The following ZNF782 variants were observed in gnomAD, a reference collection of about 807,000 sequenced individuals.
The protein encoded by ZNF782 is zinc finger protein 782.
In ZNF782, 12 loss-of-function variants were observed where a neutral mutation model predicts 13.0. The ratio of observed to expected loss-of-function variants is 0.92; its 90% CI spans 0.59 to 1.50. ZNF782 has a LOEUF of 1.50. Ranked by LOEUF, ZNF782 falls within the 40% of genes most tolerant of loss-of-function variation. The pLI, the probability that ZNF782 is intolerant of heterozygous loss-of-function variation, is 0.00. For synonymous variants in ZNF782, 284 were observed against 283.0 expected, an observed-to-expected ratio of 1.00 and a Z score of -0.04; for missense variants, 770 against 822.9, an observed-to-expected ratio of 0.94 and a Z score of 0.79.
chr9:96,867,864 T>C lies in ZNF782; in HGVS notation c.-456-6261A>G, dbSNP rs561554175. On this transcript the variant is annotated intron_variant, in intron 1 of 5. Transcript: ENST00000498811. ...GGACTGCAAGCAGCTGTGTCCTGTT[T>C]GGACATTAGTGTAGGAATCCAACTG... is the stretch of plus-strand genomic sequence containing the variant. Among the ~76,000 whole-genome samples the C allele has an allele frequency of 1.4e-4, 22 of 152,336 alleles. No homozygotes were observed. In the South Asian group the frequency reaches 4.6e-3, roughly 32 times the overall value.
chr9:96,889,766 A>ATG, the ZNF782 span: 1 of 152,150 alleles, frequency 6.6e-6, no homozygotes, highest in Admixed American at 6.5e-5. Flanking sequence ...GGTCATATAT[A>ATG]TGTATGTGTG....
chr9:96,871,138 A>G (rs528389113), intron 1 of ZNF782, among the ~76,000 whole-genome samples: 2 of 152,312 alleles, frequency 1.3e-5, no homozygotes, highest in East Asian at 3.9e-4. Context: ...GTGGTAATAA[A>G]AAATGATAAA....
At chr9:96,884,541 T>C in the ZNF782 span, among the ~76,000 whole-genome samples, 1 of 152,152 alleles carries the variant, frequency 6.6e-6, no homozygotes, top group South Asian at 2.1e-4. Context: ...GCCTTCCACC[T>C]TTCCTACCTT....
chr9:96,831,044 C>A (rs528051711), intron 4 of ZNF782, among the ~76,000 whole-genome samples: 2 of 152,044 alleles, frequency 1.3e-5, no homozygotes, highest in African/African-American at 2.4e-5. Flanking sequence ...GCCACAGGGA[C>A]CTGTGAGACT....
intron 4 of ZNF782, among the ~76,000 whole-genome samples, chr9:96,839,258 A>G (rs1196605040): frequency 1.0e-4 from 15 of 146,752 alleles, no homozygotes; most frequent in Admixed American, 2.0e-4. Flanking sequence ...TGTCTAGAGG[A>G]AGCAGGCTTT....
At chr9:96,920,268 C>CT in the ZNF782 span, among the ~76,000 whole-genome samples, 1,980 of 132,794 alleles carry the variant, frequency 0.015, 55 homozygotes, top group African/African-American at 0.038. Flanking sequence ...ACACCAAAAC[C>CT]TTTTTTTTTT....
At chr9:96,874,524 C>T (rs1333545321) in intron 1 of ZNF782, among the ~76,000 whole-genome samples, 3 of 152,186 alleles carry the variant, frequency 2.0e-5, no homozygotes, top group African/African-American at 7.2e-5. Context: ...CCTGTCTCCC[C>T]TTGGTCTTCT....
chr9:96,898,786 ATCCACCCACCTGGGCCTCCCAAAGTGT>A, the ZNF782 span, among the ~76,000 whole-genome samples: 2 of 147,760 alleles, frequency 1.4e-5, no homozygotes, highest in South Asian at 2.2e-4. Context: ...ACCTCAGGTG[ATCCACCCACCTGGGCCTCCCAAAGTGT>A]TCCACCCACC....
intron 5 of ZNF782, among the ~76,000 whole-genome samples, chr9:96,823,646 G>A (rs984791497): frequency 6.6e-6 from 1 of 152,112 alleles, no homozygotes; most frequent in African/African-American, 2.4e-5. Flanking sequence ...GGAATTTAAA[G>A]CAAATAAACA....
the ZNF782 span, among the ~76,000 whole-genome samples, chr9:96,917,885 G>A: frequency 8.7e-4 from 99 of 113,208 alleles, no homozygotes; most frequent in African/African-American, 4.6e-3. Flanking sequence ...CACCACCCTT[G>A]GCGTGTGTGT....
intron 1 of ZNF782, among the ~76,000 whole-genome samples, chr9:96,864,058 T>C (rs1851732595): frequency 6.6e-6 from 1 of 150,750 alleles, no homozygotes; most frequent in Admixed American, 6.6e-5. Context: ...TATATGCATA[T>C]GTACATATAC....
intron 4 of ZNF782, among the ~76,000 whole-genome samples, chr9:96,839,624 T>C (rs949027326): frequency 6.6e-6 from 1 of 152,184 alleles, no homozygotes; most frequent in Non-Finnish European, 1.5e-5. Flanking sequence ...AAAAGGTATA[T>C]TAAAAGTCTC....
chr9:96,856,382 A>G (rs1851642675), upstream of ZNF782, among the ~76,000 whole-genome samples: 1 of 152,258 alleles, frequency 6.6e-6, no homozygotes, highest in Admixed American at 6.5e-5. Flanking sequence ...GAACATTGCC[A>G]GATCTAAGCT....
At chr9:96,839,277 CTTTTTTT>C (rs201411107) in intron 4 of ZNF782, among the ~76,000 whole-genome samples, 9 of 100,228 alleles carry the variant, frequency 9.0e-5, no homozygotes, top group Non-Finnish European at 1.4e-4. Context: ...TTACTTGGGA[CTTTTTTT>C]TTTTTTTTTT....
At chr9:96,927,621 G>C in the ZNF782 span, among the ~76,000 whole-genome samples, 3 of 152,164 alleles carry the variant, frequency 2.0e-5, no homozygotes, top group African/African-American at 7.2e-5. Context: ...TTTGGGAAGA[G>C]TTACCAGATA....
Position 96,830,150 on chromosome 9 carries a change from C to A in ZNF782, c.143-2969G>T, listed in dbSNP as rs566289763. 2.0e-3 allele frequency among the ~76,000 whole-genome samples: 303 copies of A among 152,330 alleles called. 2 individuals carry two copies. The highest frequency in any genetic ancestry group is 6.8e-3 in the African/African-American group (284 of 41,586). ...GAGGTTCAGGAAAGAGGCAGCCTAACAAGATTGAAAACTTTTAGACAACGA... is the reference window on the plus strand; with the variant it reads ...GAGGTTCAGGAAAGAGGCAGCCTAAAAAGATTGAAAACTTTTAGACAACGA... On this transcript the variant is annotated intron_variant, in intron 4 of 5. Transcript: ENST00000481138.
Position 96,818,800 on chromosome 9 carries a change from C to A in ZNF782, c.1223G>T (p.Arg408Leu), listed in dbSNP as rs372821194. The change falls in exon 6 of 6, where the codon CGC (arginine) becomes CTC (leucine). Residue 408 changes from arginine to leucine, a missense_variant. Arg to Leu is a moderately radical substitution (Grantham distance 102, BLOSUM62 -2). Coordinates refer to ENST00000481138, the MANE Select transcript of ZNF782 (RefSeq NM_001001662.3). ...ECGKAFSEKS[R>L]LRKHQRTHTG... ...GTGAGTTCTCTGATGTTTTCTTAGG[C>A]GTGACTTCTCACTGAAGGCTTTCCC... 6.2e-7 allele frequency: 1 copy of A among 1,612,800 alleles called. No homozygotes were observed. Among genetic ancestry groups the A allele is most frequent in the African/African-American group, 1.3e-5 (1 of 74,642 alleles).
chr9:96,873,867 T>G (rs1274927923), intron 1 of ZNF782, among the ~76,000 whole-genome samples: 1 of 152,130 alleles, frequency 6.6e-6, no homozygotes, highest in Non-Finnish European at 1.5e-5. Context: ...CTGACAAATG[T>G]TTGGGGTATG....
intron 3 of ZNF782, among the ~76,000 whole-genome samples, chr9:96,847,751 G>A (rs552175991): frequency 1.3e-5 from 2 of 152,284 alleles, no homozygotes; most frequent in Non-Finnish European, 2.9e-5. Context: ...ATTTAAAGAA[G>A]AACTGGTCCC....
Sources: allele counts gnomAD v4.1 joint callset (sites outside exome capture counted in the v4.1 genomes callset), GRCh38; gene constraint gnomAD v4.1.1; transcripts MANE v1.5; gene names NCBI Gene and HGNC (gene_info 2026-07-23, HGNC 2026-07-21).